HSPBAP1: variants seen among roughly 807,000 people sequenced by gnomAD.
The protein encoded by HSPBAP1 is HSPB1 associated protein 1.
HSPBAP1 carries 27 observed loss-of-function variants against 45.2 expected under a neutral mutation model. The ratio of observed to expected loss-of-function variants is 0.60; its 90% CI spans 0.44 to 0.82. The LOEUF (loss-of-function observed/expected upper bound fraction) is 0.82. Among genes scored for constraint, HSPBAP1 ranks in the 40% least tolerant of loss-of-function variants. HSPBAP1 has a pLI of 0.00. For missense variants in HSPBAP1, 510 were observed against 590.9 expected (o/e 0.86, Z 1.42); for synonymous variants, 204 against 202.7 (o/e 1.01, Z -0.06).
intron 1 of HSPBAP1, among the ~76,000 whole-genome samples, chr3:122,790,476 T>C (rs1398012510): frequency 6.6e-6 from 1 of 152,200 alleles, no homozygotes; most frequent in Non-Finnish European, 1.5e-5. Flanking sequence ...GTACTTAATG[T>C]GTATCATATT....
chr3:122,741,293 A>G, intron 6 of HSPBAP1, 180 bp from the exon 7 acceptor site: 1 of 591,754 alleles, frequency 1.7e-6, no homozygotes, highest in South Asian at 2.2e-5. Context: ...TGCCATCTAG[A>G]AGAGCTGCAG....
chr3:122,757,716 A>G (rs1934404790), intron 4 of HSPBAP1, among the ~76,000 whole-genome samples: 1 of 152,228 alleles, frequency 6.6e-6, no homozygotes, highest in South Asian at 2.1e-4. Context: ...CCAGAGTTAT[A>G]TAAGGCCAGA....
intron 1 of HSPBAP1, among the ~76,000 whole-genome samples, chr3:122,790,864 G>T (rs1296384669): frequency 6.6e-6 from 1 of 152,068 alleles, no homozygotes; most frequent in African/African-American, 2.4e-5. Flanking sequence ...ACTTTTCTAT[G>T]ACTCCCATTG....
intron 2 of HSPBAP1, among the ~76,000 whole-genome samples, chr3:122,776,137 G>C (rs145877046): frequency 0.032 from 4,922 of 152,328 alleles, 109 homozygotes; most frequent in Middle Eastern, 0.078. Flanking sequence ...GATGGCTTAA[G>C]GGGTACTGGG....
At chr3:122,755,167 G>A in intron 5 of HSPBAP1, 93 bp downstream of exon 5, 30 of 1,260,716 alleles carry the variant, frequency 2.4e-5, no homozygotes, top group Non-Finnish European at 3.1e-5. Context: ...CATTTGCACT[G>A]CGCAGGGAGG....
intron 1 of HSPBAP1, among the ~76,000 whole-genome samples, chr3:122,787,664 G>C (rs1423434793): frequency 6.6e-6 from 1 of 152,124 alleles, no homozygotes; most frequent in African/African-American, 2.4e-5. Flanking sequence ...ATACATCTAA[G>C]TGTATATATG....
At chr3:122,758,409 G>A (rs1443035323) in intron 4 of HSPBAP1, among the ~76,000 whole-genome samples, 1 of 152,140 alleles carries the variant, frequency 6.6e-6, no homozygotes, top group East Asian at 1.9e-4. Flanking sequence ...ACTGTATTGT[G>A]TCAAGTAGGC....
intron 2 of HSPBAP1, among the ~76,000 whole-genome samples, chr3:122,772,300 C>A (rs1935029717): frequency 6.6e-6 from 1 of 151,940 alleles, no homozygotes; most frequent in African/African-American, 2.4e-5. Flanking sequence ...CTTTGTGTAA[C>A]TCTAAAGTTC....
chr3:122,765,192 T>C (rs13321173), intron 3 of HSPBAP1, among the ~76,000 whole-genome samples: 448 of 152,356 alleles, frequency 2.9e-3, no homozygotes, highest in Non-Finnish European at 5.6e-3. Context: ...TGCTAATGTA[T>C]AATGTCCATT....
At chr3:122,776,437 C>A (rs1393785277) in intron 2 of HSPBAP1, among the ~76,000 whole-genome samples, 1 of 152,080 alleles carries the variant, frequency 6.6e-6, no homozygotes, top group Admixed American at 6.5e-5. Context: ...GCAGCTCTGT[C>A]CTAAGGTTTT....
At chr3:122,784,657 A>G (rs1370317728) in intron 1 of HSPBAP1, among the ~76,000 whole-genome samples, 1 of 152,222 alleles carries the variant, frequency 6.6e-6, no homozygotes, top group Non-Finnish European at 1.5e-5. Flanking sequence ...TAAGTCAGAT[A>G]TGGTGAAGAT....
chr3:122,789,477 C>A (rs907358267), intron 1 of HSPBAP1, among the ~76,000 whole-genome samples: 8 of 152,280 alleles, frequency 5.3e-5, no homozygotes, highest in Non-Finnish European at 1.2e-4. Context: ...TAAATTAATT[C>A]TTAATTAACA....
chr3:122,793,353 G>A (rs753475006), intron 1 of HSPBAP1, among the ~76,000 whole-genome samples: 3 of 152,134 alleles, frequency 2.0e-5, no homozygotes, highest in Non-Finnish European at 2.9e-5. Context: ...AGCTAATGAT[G>A]GGCAAATATA....
chr3:122,768,246 C>A (rs532576950), intron 3 of HSPBAP1, among the ~76,000 whole-genome samples: 1 of 152,246 alleles, frequency 6.6e-6, no homozygotes, highest in Non-Finnish European at 1.5e-5. Context: ...CCATGAACTG[C>A]CAGAGAAAAC....
chr3:122,746,809 C>T (rs1189309099), intron 6 of HSPBAP1, among the ~76,000 whole-genome samples: 1 of 152,208 alleles, frequency 6.6e-6, no homozygotes, highest in African/African-American at 2.4e-5. Context: ...CGCGCCGCCA[C>T]GCCTGGCTGG....
chr3:122,789,022 A>G (rs887737041), intron 1 of HSPBAP1, among the ~76,000 whole-genome samples: 1 of 152,236 alleles, frequency 6.6e-6, no homozygotes, highest in African/African-American at 2.4e-5. Flanking sequence ...TAAAAATTTT[A>G]TCTACATTAT....
At chr3:122,786,678 T>C (rs2107543119) in intron 1 of HSPBAP1, among the ~76,000 whole-genome samples, 1 of 152,224 alleles carries the variant, frequency 6.6e-6, no homozygotes, top group African/African-American at 2.4e-5. Flanking sequence ...GCTGAGAGAG[T>C]GCCTGGCCTA....
intron 1 of HSPBAP1, among the ~76,000 whole-genome samples, chr3:122,791,456 T>A (rs558713309): frequency 6.6e-6 from 1 of 152,254 alleles, no homozygotes. Flanking sequence ...ATGTGCCAAC[T>A]ATGTGCCTGG....
At chr3:122,760,187 C>T (rs1033218623) in intron 3 of HSPBAP1, among the ~76,000 whole-genome samples, 4 of 152,008 alleles carry the variant, frequency 2.6e-5, no homozygotes, top group Middle Eastern at 3.2e-3. Context: ...TTTTAGAAGC[C>T]GATGGCGCAT....
Sources: gnomAD v4.1 joint callset for allele counts (sites outside exome capture counted in the v4.1 genomes callset) on GRCh38, gnomAD v4.1.1 for gene constraint, MANE v1.5 for transcripts, NCBI Gene and HGNC (gene_info 2026-07-23, HGNC 2026-07-21) for gene names.